DDX59: variants seen among roughly 807,000 people sequenced by gnomAD.
The protein encoded by DDX59 is DEAD-box helicase 59, also known as probable ATP-dependent RNA helicase DDX59.
DDX59 carries 30 observed loss-of-function variants against 51.9 expected under a neutral mutation model. The ratio of observed to expected loss-of-function variants is 0.58; its 90% confidence interval spans 0.43 to 0.78. The LOEUF (loss-of-function observed/expected upper bound fraction) is 0.78, where lower values mean the gene tolerates loss of function less well. Ranked by LOEUF, DDX59 falls within the 30% of genes least tolerant of loss-of-function variation. The pLI, the probability that DDX59 is intolerant of heterozygous loss-of-function variation, is 0.00. For missense variants in DDX59, 672 were observed against 730.8 expected, an observed-to-expected ratio of 0.92 and a Z score of 0.93; for synonymous variants, 255 against 253.3, an observed-to-expected ratio of 1.01 and a Z score of -0.06.
At chr1:200,658,898 T>C (rs1662200828) in intron 4 of DDX59, 129 bp downstream of exon 4, 9 of 697,740 alleles carry the variant, frequency 1.3e-5, no homozygotes, top group Non-Finnish European at 2.2e-5. Context: ...CCTGCTGCAA[T>C]GCTTTAAAAG....
intron 5 of DDX59, 101 bp downstream of exon 5, chr1:200,650,324 T>C (rs1025559665): frequency 2.3e-6 from 3 of 1,297,030 alleles, no homozygotes; most frequent in Non-Finnish European, 3.1e-6. Flanking sequence ...TAAATACCTA[T>C]ATCAAATTCC....
chr1:200,643,629 C>T (rs981027953), downstream of DDX59, among the ~76,000 whole-genome samples: 6 of 151,976 alleles, frequency 3.9e-5, no homozygotes, highest in Non-Finnish European at 7.4e-5. Flanking sequence ...GGCGACAGAG[C>T]GAGACTCTGT....
chr1:200,665,488 AAAGAAAAAG>A lies in DDX59; in HGVS notation c.804+440_804+448del, dbSNP rs1662664998. On this transcript the variant is annotated intron_variant, in intron 2 of 7. Coordinates refer to ENST00000331314, the MANE Select transcript of DDX59 (RefSeq NM_001031725.6). The stretch of plus-strand genomic sequence containing the variant: ...ACAAGAGTGAAACTCGGTCCCAAAA[AAAGAAAAAG>A]AAAAAGAAAAAAAAAGTATATTTTG... Among the ~76,000 whole-genome samples the A allele has an allele frequency of 2.3e-5, 3 of 130,650 alleles. No individual in the cohort carries two copies. In the South Asian group the frequency reaches 7.0e-4, roughly 30 times the overall value. 85.7% of individuals were successfully genotyped at this position (130,650 alleles called of 152,430 possible). A position where few individuals can be genotyped will look rare whatever the true frequency, so the allele number is the denominator to read the frequency against.
intron 4 of DDX59, among the ~76,000 whole-genome samples, chr1:200,651,924 C>T (rs1402453315): frequency 6.8e-6 from 1 of 146,594 alleles, no homozygotes; most frequent in African/African-American, 2.5e-5. Context: ...AGGAGGATGG[C>T]GTGAACCCGA....
chr1:200,656,905 C>A (rs1662059991), intron 4 of DDX59, among the ~76,000 whole-genome samples: 1 of 151,846 alleles, frequency 6.6e-6, no homozygotes, highest in Non-Finnish European at 1.5e-5. Flanking sequence ...ATTTTAAAAA[C>A]AAAGAGAGAA....
chr1:200,656,601 A>G (rs1481178290), intron 4 of DDX59, among the ~76,000 whole-genome samples: 1 of 152,202 alleles, frequency 6.6e-6, no homozygotes, highest in Non-Finnish European at 1.5e-5. Flanking sequence ...CAGAAACCAT[A>G]TTCCTTAAAT....
rs116357579 is a variant in DDX59 at position 200,661,554 on chromosome 1, G to A, written c.972+2365C>T. Among the ~76,000 whole-genome samples, 830 of 152,268 alleles carry A rather than the reference G, an allele frequency of 5.5e-3. 5 individuals are homozygous for A. Among genetic ancestry groups the A allele is most frequent in the African/African-American group, 0.019 (782 of 41,542 alleles). On this transcript the variant is annotated intron_variant, in intron 3 of 7. Coordinates refer to ENST00000331314, the MANE Select transcript of DDX59 (RefSeq NM_001031725.6). The stretch of plus-strand genomic sequence containing the variant: ...GTAACTTGAATCTAATCAAATGAGG[G>A]ATGTTCTTCAAAGTAAGTGGCTTGT...
rs761657346 is a variant in DDX59, at chr1:200,663,926, T to C, written c.965A>G (p.His322Arg). 9 of 1,609,586 alleles carry C rather than the reference T, an allele frequency of 5.6e-6. No individual in the cohort carries two copies. The highest frequency in any genetic ancestry group is 1.7e-5 in the Admixed American group (1 of 58,560). ...LPPQLYRLQQ[H>R]VKVIIATPGR... ...TATCAAATCAGTGCTTACCTTAACA[T>C]GTTGTTGCAGACGATAAAGCTGTGG... The change falls in exon 3 of 8, where the codon CAT (histidine) becomes CGT (arginine). Residue 322 changes from histidine to arginine, a missense_variant. Transcript: ENST00000331314.
chr1:200,664,027 C>T lies in DDX59; in HGVS notation c.864G>A (p.Glu288=). ...CACTCATCAATTCTTTAGCTTGTCT[C>T]TCTATCTGAATGGCTAACTCTCTGG... is the stretch of plus-strand genomic sequence containing the variant. ...TPTRELAIQI[E]RQAKELMSGL... Residue 288 remains glutamate, a synonymous_variant, in exon 3 of 8, where the codon GAG becomes GAA. Coordinates refer to ENST00000331314, the MANE Select transcript of DDX59 (RefSeq NM_001031725.6). 6.2e-7 allele frequency: 1 copy of T among 1,614,198 alleles called. No individual in the cohort carries two copies. Among genetic ancestry groups the T allele is most frequent in the South Asian group, 1.1e-5 (1 of 91,074 alleles).
At chr1:200,652,529 C>T (rs1407624597) in intron 4 of DDX59, among the ~76,000 whole-genome samples, 2 of 151,848 alleles carry the variant, frequency 1.3e-5, no homozygotes. Flanking sequence ...GCCACCACAC[C>T]CATCTAATTT....
intron 4 of DDX59, among the ~76,000 whole-genome samples, chr1:200,655,856 G>C (rs1020857193): frequency 1.1e-4 from 16 of 150,406 alleles, no homozygotes; most frequent in Admixed American, 7.9e-4. Flanking sequence ...TTGAGACGGA[G>C]TTTCACTCTT....
intron 3 of DDX59, among the ~76,000 whole-genome samples, chr1:200,660,604 A>C (rs1662315291): frequency 6.6e-6 from 1 of 152,194 alleles, no homozygotes. Context: ...TACATAAATG[A>C]AAATGAGTGG....
chr1:200,645,556 C>T (rs1448950420), intron 7 of DDX59, among the ~76,000 whole-genome samples: 1 of 152,188 alleles, frequency 6.6e-6, no homozygotes, highest in African/African-American at 2.4e-5. Context: ...GGATTACAGG[C>T]CCGGCTAGTT....
At position 200,659,069 on chromosome 1, in the gene DDX59, G is replaced by A; in HGVS notation, c.1020C>T (p.Ser340=). The change falls in exon 4 of 8, where the codon AGC becomes AGT. Residue 340 remains serine, a synonymous_variant. Coordinates refer to ENST00000331314, the MANE Select transcript of DDX59 (RefSeq NM_001031725.6). ...TCTTTACACCACAGAGTTCTACAGAGCTCTGCTTTATTATATCCAGAAGTC... is the reference window on the plus strand; with the variant it reads ...TCTTTACACCACAGAGTTCTACAGAACTCTGCTTTATTATATCCAGAAGTC... ...PGRLLDIIKQ[S]SVELCGVKIV... 1 of 1,613,722 alleles carries A rather than the reference G, an allele frequency of 6.2e-7. No individual in the cohort carries two copies. The highest frequency in any genetic ancestry group is 8.5e-7 in the Non-Finnish European group (1 of 1,179,832).
intron 3 of DDX59, among the ~76,000 whole-genome samples, chr1:200,662,667 AT>A (rs945375810): frequency 6.6e-6 from 1 of 152,152 alleles, no homozygotes; most frequent in African/African-American, 2.4e-5. Context: ...ATTAACATAT[AT>A]TTTTTTAAGA....
downstream of DDX59, among the ~76,000 whole-genome samples, chr1:200,641,651 C>T (rs1232739746): frequency 6.6e-6 from 1 of 151,140 alleles, no homozygotes; most frequent in African/African-American, 2.4e-5. Flanking sequence ...GGCGGATCAC[C>T]TGAGGTCCAG....
chr1:200,648,790 A>T (rs1272269153), intron 6 of DDX59, among the ~76,000 whole-genome samples: 2 of 152,234 alleles, frequency 1.3e-5, no homozygotes, highest in African/African-American at 2.4e-5. Context: ...CCTTTTCCAA[A>T]GGTGAATTAC....
At chr1:200,658,383 C>T (rs1662167915) in intron 4 of DDX59, among the ~76,000 whole-genome samples, 1 of 150,738 alleles carries the variant, frequency 6.6e-6, no homozygotes, top group South Asian at 2.1e-4. Flanking sequence ...CCTATGTCCA[C>T]ATAGAAAAAA....
At chr1:200,652,457 C>A (rs546214988) in intron 4 of DDX59, among the ~76,000 whole-genome samples, 1 of 151,974 alleles carries the variant, frequency 6.6e-6, no homozygotes, top group East Asian at 1.9e-4. Flanking sequence ...TACTGTGCAA[C>A]CTCCTGGGCT....
Sources: allele counts gnomAD v4.1 joint callset (sites outside exome capture counted in the v4.1 genomes callset), GRCh38; gene constraint gnomAD v4.1.1; transcripts MANE v1.5; gene names NCBI Gene and HGNC (gene_info 2026-07-23, HGNC 2026-07-21).